FKBP15: variants seen among roughly 807,000 people sequenced by gnomAD.
FKBP15 encodes FKBP prolyl isomerase family member 15.
FKBP15 carries 106 observed loss-of-function variants against 158.1 expected under a neutral mutation model. The observed-to-expected ratio is 0.67, with a 90% CI of 0.57 to 0.79. FKBP15 has a LOEUF of 0.79. FKBP15 is among the 30% of genes least tolerant of loss of function. The pLI is 0.00. For missense variants in FKBP15, 1,287 were observed against 1,479.1 expected (o/e 0.87, Z 2.13); for synonymous variants, 547 against 548.6 (o/e 1.00, Z 0.04).
intron 19 of FKBP15, among the ~76,000 whole-genome samples, chr9:113,179,200 A>G (rs538643900): frequency 2.6e-5 from 4 of 152,062 alleles, no homozygotes; most frequent in African/African-American, 9.6e-5. Context: ...TGTCTCTATT[A>G]TACCTTACAT....
At chr9:113,204,372 C>T (rs1355065642) in intron 4 of FKBP15, among the ~76,000 whole-genome samples, 2 of 152,248 alleles carry the variant, frequency 1.3e-5, no homozygotes, top group Admixed American at 6.5e-5. Context: ...CCAGCCTCTC[C>T]ATGTCTTTTG....
chr9:113,219,572 A>C (rs1307878112), intron 1 of FKBP15, among the ~76,000 whole-genome samples: 1 of 152,202 alleles, frequency 6.6e-6, no homozygotes, highest in Non-Finnish European at 1.5e-5. Flanking sequence ...TATGTCTAGG[A>C]GCACAGTCAC....
intron 27 of FKBP15, 48 bp downstream of exon 27, chr9:113,168,411 GC>G (rs955660417): frequency 1.3e-6 from 2 of 1,497,326 alleles, no homozygotes; most frequent in Admixed American, 1.7e-5. Context: ...GTAGGGAAGA[GC>G]CCCCAGGTGG....
At chr9:113,171,798 C>CTT (rs200502042) in intron 23 of FKBP15, 92 bp from the exon 24 acceptor site, 3,584 of 829,384 alleles carry the variant, frequency 4.3e-3, no homozygotes, top group East Asian at 0.021. Context: ...CATCAAGTCT[C>CTT]TTTTTTTTTT....
At chr9:113,215,885 A>G (rs1307158697) in intron 1 of FKBP15, among the ~76,000 whole-genome samples, 1 of 151,446 alleles carries the variant, frequency 6.6e-6, no homozygotes, top group Non-Finnish European at 1.5e-5. Flanking sequence ...TCCTGGCCTC[A>G]AGTGATCCAC....
Position 113,165,731 on chromosome 9 carries a change from G to C in FKBP15, c.*347C>G. The C allele has an allele frequency of 5.0e-6, 1 of 200,754 alleles. No individual in the cohort carries two copies. Among genetic ancestry groups the C allele is most frequent in the Admixed American group, 5.2e-5 (1 of 19,342 alleles). 12.4% of individuals were successfully genotyped at this position (200,754 alleles called of 1,614,324 possible). ...GGGGCACAGTTGAGCACTGGATTCAGGTAGAGGAGGGCTCCCAGGTCAGTC... is the reference window on the plus strand; with the variant it reads ...GGGGCACAGTTGAGCACTGGATTCACGTAGAGGAGGGCTCCCAGGTCAGTC... On this transcript the variant is annotated 3_prime_UTR_variant, in exon 28 of 28. Transcript: ENST00000238256.
At position 113,161,501 on chromosome 9, in the gene FKBP15, T is replaced by G. The variant is rs1417673630; in HGVS notation, c.*4577A>C. On this transcript the variant is annotated 3_prime_UTR_variant, in exon 28 of 28. Transcript: ENST00000238256. Reference sequence around the variant, plus strand: ...GCCAGGTCTCCACAACTCTGCCTCCTTTGACAGGCATGGCCCTTTCGGTGT... The same window carrying G: ...GCCAGGTCTCCACAACTCTGCCTCCGTTGACAGGCATGGCCCTTTCGGTGT... 1 of 1,613,532 alleles carries G rather than the reference T, an allele frequency of 6.2e-7. No homozygotes were observed. Among genetic ancestry groups the G allele is most frequent in the African/African-American group, 1.3e-5 (1 of 74,922 alleles).
chr9:113,166,392 C>G (rs140041052), intron 27 of FKBP15, among the ~76,000 whole-genome samples: 1 of 152,204 alleles, frequency 6.6e-6, no homozygotes, highest in Non-Finnish European at 1.5e-5. Flanking sequence ...TTTGGCTAAT[C>G]TCATCATTTA....
At chr9:113,204,786 T>C (rs1830856994) in intron 4 of FKBP15, among the ~76,000 whole-genome samples, 1 of 152,240 alleles carries the variant, frequency 6.6e-6, no homozygotes. Context: ...TCAGAAATTG[T>C]ATTTTTCAAA....
At chr9:113,181,469 CACTG>C (rs1296399281) in intron 19 of FKBP15, among the ~76,000 whole-genome samples, 3 of 152,148 alleles carry the variant, frequency 2.0e-5, no homozygotes, top group Admixed American at 1.3e-4. Flanking sequence ...CAAAAGAAAT[CACTG>C]ACAAGAGCAG....
chr9:113,190,673 CA>C (rs1830559840), intron 11 of FKBP15, 95 bp from the exon 12 acceptor site: 1 of 839,842 alleles, frequency 1.2e-6, no homozygotes, highest in African/African-American at 1.7e-5. Context: ...AATCCTTCAA[CA>C]AATCCCCCTA....
At chr9:113,190,650 G>T in intron 11 of FKBP15, 72 bp from the exon 12 acceptor site, 2 of 1,132,790 alleles carry the variant, frequency 1.8e-6, no homozygotes, top group Non-Finnish European at 2.6e-6. Flanking sequence ...CTATCCCTTT[G>T]GCTCTTGTAT....
At chr9:113,170,227 G>C (rs1352187257) in intron 25 of FKBP15, among the ~76,000 whole-genome samples, 1 of 152,108 alleles carries the variant, frequency 6.6e-6, no homozygotes, top group Non-Finnish European at 1.5e-5. Flanking sequence ...CTGGGCTCAA[G>C]TGATTCTCCT....
At position 113,207,348 on chromosome 9, in the gene FKBP15, A is replaced by T. The variant is rs1346202947; in HGVS notation, c.170-52T>A. 2.9e-5 allele frequency: 40 copies of T among 1,393,434 alleles called. 1 individual carries two copies. The highest frequency in any genetic ancestry group is 1.9e-4 in the African/African-American group (12 of 64,370). 86.3% of individuals were successfully genotyped at this position (1,393,434 alleles called of 1,614,324 possible). Reference sequence around the variant, plus strand: ...GTCATTCACTTCTTGCTTTAAACTAATTTTTTTTAAAGACGGAGTTTCACT... The same window carrying T: ...GTCATTCACTTCTTGCTTTAAACTATTTTTTTTTAAAGACGGAGTTTCACT... On this transcript the variant is annotated intron_variant, in intron 2 of 27. Transcript: ENST00000238256.
chr9:113,207,626 C>CTG lies in FKBP15; in HGVS notation c.170-332_170-331dup, dbSNP rs1004478175. Among the ~76,000 whole-genome samples, 77 of 152,164 alleles carry CTG rather than the reference C, an allele frequency of 5.1e-4. 1 individual carries two copies. The highest frequency in any genetic ancestry group is 1.2e-3 in the Admixed American group (18 of 15,284). ...GTGCTGGAATTACAGGCGTGAGCTA[C>CTG]TGTACCTGGCCTTAAACTAATTTTT... On this transcript the variant is annotated intron_variant, in intron 2 of 27. Transcript: ENST00000238256.
At chr9:113,196,674 C>T (rs957598736) in intron 9 of FKBP15, among the ~76,000 whole-genome samples, 2 of 152,070 alleles carry the variant, frequency 1.3e-5, no homozygotes, top group African/African-American at 2.4e-5. Flanking sequence ...TGAGCCACTG[C>T]GCCCGGCCGA....
In FKBP15 at chr9:113,194,148, C is replaced by T; in HGVS notation, c.886G>A (p.Gly296Ser). The T allele has an allele frequency of 1.2e-6, 2 of 1,611,358 alleles. No individual in the cohort carries two copies. The highest frequency in any genetic ancestry group is 1.7e-6 in the Non-Finnish European group (2 of 1,178,452). The change falls in exon 10 of 28, where the codon GGC becomes AGC. Residue 296 changes from glycine (G) to serine (S), a missense_variant. Physicochemically the swap from Gly to Ser is moderately conservative, Grantham distance 56. Coordinates refer to ENST00000238256, the MANE Select transcript of FKBP15 (RefSeq NM_015258.2). ...GAACTAACACTGTGACCATCAGAGC[C>T]AGAATCTCTGGCAAACTTCACCTAA... ...VRRVKFARDS[G>S]SDGHSVSSRD...
intron 18 of FKBP15, among the ~76,000 whole-genome samples, 198 bp downstream of exon 18, chr9:113,183,553 C>G (rs1564161621): frequency 1.3e-5 from 2 of 152,194 alleles, no homozygotes; most frequent in East Asian, 3.8e-4. Flanking sequence ...AAACACAGGT[C>G]TGCCCTACAT....
At chr9:113,169,155 C>T in intron 26 of FKBP15, 69 bp downstream of exon 26, 1 of 1,518,188 alleles carries the variant, frequency 6.6e-7, no homozygotes, top group Non-Finnish European at 8.8e-7. Flanking sequence ...GTTGCCAGCC[C>T]TGGAAAAAAC....
Sources: gnomAD v4.1 joint callset for allele counts (sites outside exome capture counted in the v4.1 genomes callset) on GRCh38, gnomAD v4.1.1 for gene constraint, MANE v1.5 for transcripts, NCBI Gene and HGNC (gene_info 2026-07-23, HGNC 2026-07-21) for gene names.